VWA8: variants seen among roughly 807,000 people sequenced by gnomAD.
VWA8 encodes the protein von Willebrand factor A domain-containing protein 8.
VWA8 carries 221 observed loss-of-function variants against 241.5 expected under a neutral mutation model. The ratio of observed to expected loss-of-function variants is 0.91; its 90% CI spans 0.82 to 1.02. VWA8 has a LOEUF of 1.02. VWA8 is among the 50% of genes least tolerant of loss of function. The pLI, the probability that VWA8 is intolerant of heterozygous loss-of-function variation, is 0.00. For synonymous variants in VWA8, 852 were observed against 827.1 expected, an observed-to-expected ratio of 1.03 and a Z score of -0.52; for missense variants, 2,322 against 2,328.7, an observed-to-expected ratio of 1.00 and a Z score of 0.06.
intron 12 of VWA8, among the ~76,000 whole-genome samples, chr13:41,836,346 G>A (rs939400189): frequency 1.3e-5 from 2 of 152,176 alleles, no homozygotes; most frequent in Admixed American, 6.5e-5. Context: ...GAAACTGATG[G>A]ATGTTAATTT....
At chr13:41,602,157 G>A (rs999129857) in intron 40 of VWA8, among the ~76,000 whole-genome samples, 2 of 152,050 alleles carry the variant, frequency 1.3e-5, no homozygotes, top group Non-Finnish European at 2.9e-5. Context: ...TTCCTAAATG[G>A]AGGACTAGAA....
intron 21 of VWA8, among the ~76,000 whole-genome samples, chr13:41,754,705 A>G (rs559483599): frequency 6.6e-6 from 1 of 152,204 alleles, no homozygotes; most frequent in African/African-American, 2.4e-5. Context: ...TGTATTCTAT[A>G]TAACTATATT....
At chr13:41,923,389 C>T (rs1256072251) in intron 2 of VWA8, among the ~76,000 whole-genome samples, 2 of 152,050 alleles carry the variant, frequency 1.3e-5, no homozygotes, top group African/African-American at 4.8e-5. Flanking sequence ...ACATATGTAA[C>T]TAACCTGCAC....
At chr13:41,818,317 T>C (rs1870789232) in intron 15 of VWA8, among the ~76,000 whole-genome samples, 1 of 78,100 alleles carries the variant, frequency 1.3e-5, no homozygotes, top group Non-Finnish European at 2.8e-5. Context: ...ATGCCTGTAA[T>C]CCCAGCACTT....
chr13:41,641,807 A>G (rs1416745194), intron 37 of VWA8, among the ~76,000 whole-genome samples: 2 of 152,034 alleles, frequency 1.3e-5, no homozygotes, highest in Admixed American at 6.5e-5. Context: ...TTATGGGAAA[A>G]AAAAAACAGT....
chr13:41,773,171 A>C (rs1868409636), intron 20 of VWA8, among the ~76,000 whole-genome samples: 1 of 152,236 alleles, frequency 6.6e-6, no homozygotes, highest in African/African-American at 2.4e-5. Context: ...GCATTTTCAC[A>C]GGGGACTGTC....
At chr13:41,732,212 A>G in intron 21 of VWA8, 57 bp from the exon 22 acceptor site, 7 of 1,517,970 alleles carry the variant, frequency 4.6e-6, no homozygotes, top group Non-Finnish European at 6.3e-6. Context: ...ATGATTGATC[A>G]TGATAAAAAT....
At chr13:41,657,490 T>TTTC (rs2044915049) in intron 37 of VWA8, among the ~76,000 whole-genome samples, 1 of 151,388 alleles carries the variant, frequency 6.6e-6, no homozygotes, top group Admixed American at 6.6e-5. Flanking sequence ...TTCTTTTTTT[T>TTTC]TTTTTTTTTT....
At chr13:41,903,199 T>C (rs1039224453) in intron 4 of VWA8, among the ~76,000 whole-genome samples, 11 of 152,176 alleles carry the variant, frequency 7.2e-5, no homozygotes, top group African/African-American at 2.7e-4. Context: ...TGACTCAAAA[T>C]AGATGTCAAA....
At chr13:41,836,621 C>T (rs948141489) in intron 12 of VWA8, among the ~76,000 whole-genome samples, 1 of 152,008 alleles carries the variant, frequency 6.6e-6, no homozygotes, top group Non-Finnish European at 1.5e-5. Flanking sequence ...GGTTATGATT[C>T]CAAAGTATTT....
At chr13:41,795,556 T>C (rs1393262596) in intron 17 of VWA8, among the ~76,000 whole-genome samples, 1 of 152,162 alleles carries the variant, frequency 6.6e-6, no homozygotes, top group Non-Finnish European at 1.5e-5. Flanking sequence ...CAAATGCCCA[T>C]CAATGATAAA....
At chr13:41,816,862 T>A (rs1195074906) in intron 15 of VWA8, 87 bp from the exon 16 acceptor site, 18 of 987,650 alleles carry the variant, frequency 1.8e-5, no homozygotes, top group Admixed American at 6.4e-5. Context: ...ACTTAGCAAA[T>A]AATATTAGAA....
intron 26 of VWA8, 185 bp downstream of exon 26, chr13:41,719,406 C>A: frequency 1.4e-6 from 2 of 1,414,822 alleles, no homozygotes; most frequent in Non-Finnish European, 1.8e-6. Context: ...TCAAAATTTT[C>A]AATTTACAGG....
At chr13:41,659,086 G>A (rs954493891) in intron 37 of VWA8, among the ~76,000 whole-genome samples, 32 of 152,172 alleles carry the variant, frequency 2.1e-4, no homozygotes, top group African/African-American at 7.5e-4. Flanking sequence ...CTTAAACTGA[G>A]GGTAAAGATC....
At chr13:41,777,927 G>T in intron 20 of VWA8, 58 bp downstream of exon 20, 2 of 1,411,428 alleles carry the variant, frequency 1.4e-6, no homozygotes, top group Non-Finnish European at 2.0e-6. Context: ...GAAACTTACT[G>T]CTTTTAAATT....
chr13:41,783,575 T>C (rs1593769603), intron 19 of VWA8, among the ~76,000 whole-genome samples: 1 of 150,956 alleles, frequency 6.6e-6, no homozygotes, highest in African/African-American at 2.4e-5. Flanking sequence ...GAGGTGGAGG[T>C]TGCAGTGAGC....
intron 21 of VWA8, 87 bp downstream of exon 21, chr13:41,761,041 C>A: frequency 1.5e-6 from 2 of 1,351,250 alleles, no homozygotes; most frequent in East Asian, 2.4e-5. Context: ...TAAAATGGGC[C>A]TCTAAGAAAG....
At chr13:41,684,987 C>G in intron 35 of VWA8, 60 bp downstream of exon 35, 4 of 1,404,790 alleles carry the variant, frequency 2.8e-6, no homozygotes, top group Non-Finnish European at 4.0e-6. Context: ...ATATCCTCTA[C>G]CAAAAGGAAG....
chr13:41,767,806 T>C (rs79825566), intron 20 of VWA8, among the ~76,000 whole-genome samples: 2,942 of 152,342 alleles, frequency 0.019, 98 homozygotes, highest in African/African-American at 0.066. Context: ...TGTGTTGCTA[T>C]AAATGGCAAA....
Sources: allele counts gnomAD v4.1 joint callset (sites outside exome capture counted in the v4.1 genomes callset), GRCh38; gene constraint gnomAD v4.1.1; transcripts MANE v1.5; gene names NCBI Gene and HGNC (gene_info 2026-07-23, HGNC 2026-07-21).